Variants in FAM221A observed in about 807,000 individuals in gnomAD.
FAM221A encodes the protein family with sequence similarity 221 member A.
In FAM221A, 43 loss-of-function variants were observed where a neutral mutation model predicts 37.6. The ratio of observed to expected loss-of-function variants is 1.15; its 90% CI spans 0.90 to 1.48. The LOEUF (loss-of-function observed/expected upper bound fraction) is 1.48. FAM221A is among the 40% of genes most tolerant of loss of function. FAM221A has a pLI of 0.00. For missense variants in FAM221A, 361 were observed against 361.5 expected (o/e 1.00, Z 0.01); for synonymous variants, 135 against 132.9 (o/e 1.02, Z -0.11).
At chr7:23,703,003 G>A (rs988645281), downstream of FAM221A, 1 of 152,052 alleles carries the variant, frequency 6.6e-6, no homozygotes, top group African/African-American at 2.4e-5. Context: ...GTGACTTTGG[G>A]GCCACTCTTG....
chr7:23,702,154 A>G lies in FAM221A; in HGVS notation c.887A>G (p.Lys296Arg). ...AAAGCTCCATTGCCATCAGCTACAAAACCTTCATGAAGACTATTGGAGAAA... is the reference window on the plus strand; with the variant it reads ...AAAGCTCCATTGCCATCAGCTACAAGACCTTCATGAAGACTATTGGAGAAA... ...KGKAPLPSAT[K>R]PS The change falls in exon 7 of 7, where the codon AAA becomes AGA. Residue 296 changes from lysine (K) to arginine (R), a missense_variant. Physicochemically the swap from Lys to Arg is conservative, Grantham distance 26. Coordinates refer to ENST00000344962, the MANE Select transcript of FAM221A (RefSeq NM_199136.5). The G allele has an allele frequency of 6.3e-7, 1 of 1,594,338 alleles. No individual in the cohort carries two copies.
intron 5 of FAM221A, among the ~76,000 whole-genome samples, chr7:23,700,016 AT>A (rs1276131807): frequency 2.0e-5 from 3 of 152,226 alleles, no homozygotes; most frequent in African/African-American, 2.4e-5. Context: ...ACTTATTCAA[AT>A]AAGAATCCCT....
chr7:23,692,453 T>C, intron 4 of FAM221A: 1 of 204,660 alleles, frequency 4.9e-6, no homozygotes, highest in Non-Finnish European at 8.6e-6. Context: ...GCAATTCTCC[T>C]GCCTCAGCCT....
chr7:23,702,437 T>A lies in FAM221A; in HGVS notation c.*273T>A, dbSNP rs1305873674. On this transcript the variant is annotated 3_prime_UTR_variant, in exon 7 of 7. Coordinates refer to ENST00000344962, the MANE Select transcript of FAM221A (RefSeq NM_199136.5). ...CTGAGAGTACAGTAAATGTTTTTAG[T>A]ACATAATAATTTAACTGTTTCAGGT... 1 of 209,102 alleles carries A rather than the reference T, an allele frequency of 4.8e-6. No homozygotes were observed. The highest frequency in any genetic ancestry group is 2.3e-5 in the African/African-American group (1 of 43,508). The allele number at this position is 209,102 out of a possible 1,614,324, so 13.0% of individuals were successfully genotyped here. A position where few individuals can be genotyped will look rare whatever the true frequency, so the allele number is the denominator to read the frequency against.
chr7:23,683,140 T>C (rs561159549), intron 1 of FAM221A, among the ~76,000 whole-genome samples: 26 of 152,324 alleles, frequency 1.7e-4, no homozygotes, highest in African/African-American at 6.3e-4. Context: ...TCCACAAACA[T>C]CACTTTTTGT....
At chr7:23,696,437 C>G (rs892968033) in intron 4 of FAM221A, among the ~76,000 whole-genome samples, 17 of 152,258 alleles carry the variant, frequency 1.1e-4, no homozygotes, top group African/African-American at 3.9e-4. Flanking sequence ...GTGTGTGTGC[C>G]TGTAATCCCA....
At chr7:23,680,375 G>A (rs1562512121) in intron 1 of FAM221A, 92 bp downstream of exon 1, 2 of 1,018,838 alleles carry the variant, frequency 2.0e-6, no homozygotes, top group African/African-American at 3.3e-5. Context: ...GCGGGCGTCC[G>A]CGGGGGTTCC....
intron 6 of FAM221A, among the ~76,000 whole-genome samples, 154 bp downstream of exon 6, chr7:23,701,022 G>T (rs947571797): frequency 2.0e-5 from 3 of 152,138 alleles, no homozygotes; most frequent in African/African-American, 4.8e-5. Context: ...AGAATACACA[G>T]AAACAGGGCT....
At chr7:23,685,795 T>C (rs1196522331) in intron 2 of FAM221A, among the ~76,000 whole-genome samples, 1 of 152,220 alleles carries the variant, frequency 6.6e-6, no homozygotes, top group Non-Finnish European at 1.5e-5. Context: ...TTGCTGTGTG[T>C]ATGCTCTACT....
chr7:23,691,687 G>A, intron 4 of FAM221A, 91 bp downstream of exon 4: 1 of 1,094,374 alleles, frequency 9.1e-7, no homozygotes, highest in East Asian at 2.5e-5. Flanking sequence ...GCAATTTATA[G>A]TATTTTTCTT....
intron 5 of FAM221A, among the ~76,000 whole-genome samples, chr7:23,700,237 T>A (rs898135895): frequency 6.6e-6 from 1 of 152,208 alleles, no homozygotes; most frequent in African/African-American, 2.4e-5. Context: ...TACTTTTCTA[T>A]GCAATTAGGC....
At chr7:23,680,363 C>T (rs1304608772) in intron 1 of FAM221A, 80 bp downstream of exon 1, 2 of 1,185,336 alleles carry the variant, frequency 1.7e-6, no homozygotes, top group East Asian at 2.7e-5. Flanking sequence ...AGCAGGGGCC[C>T]GGCGGGCGTC....
intron 3 of FAM221A, among the ~76,000 whole-genome samples, chr7:23,690,371 A>G (rs892448733): frequency 2.0e-5 from 3 of 151,008 alleles, no homozygotes; most frequent in Non-Finnish European, 4.4e-5. Context: ...CGCCCGGCTA[A>G]TTTTTGTATT....
At chr7:23,700,947 G>A in intron 6 of FAM221A, 79 bp downstream of exon 6, 2 of 910,978 alleles carry the variant, frequency 2.2e-6, no homozygotes, top group East Asian at 4.9e-5. Flanking sequence ...ATTGAATGTG[G>A]AACATCCTTG....
Position 23,700,700 on chromosome 7 carries a change from C to A in FAM221A, c.746-86C>A. The A allele has an allele frequency of 1.0e-5, 8 of 802,842 alleles. 1 individual carries two copies. The South Asian group carries it at 1.5e-4, about 15-fold the overall frequency. The allele number at this position is 802,842 out of a possible 1,614,324, so 49.7% of individuals were successfully genotyped here. A position where few individuals can be genotyped will look rare whatever the true frequency, so the allele number is the denominator to read the frequency against. ...GGTTTGAAAAATAAAACATTATCACCGAGCAGGAGAAAACTTTTCTTTCTT... is the reference window on the plus strand; with the variant it reads ...GGTTTGAAAAATAAAACATTATCACAGAGCAGGAGAAAACTTTTCTTTCTT... On this transcript the variant is annotated intron_variant, in intron 5 of 6. Coordinates refer to ENST00000344962, the MANE Select transcript of FAM221A (RefSeq NM_199136.5).
intron 4 of FAM221A, 30 bp downstream of exon 4, chr7:23,691,626 A>G (rs767354464): frequency 1.3e-6 from 2 of 1,587,738 alleles, no homozygotes; most frequent in Non-Finnish European, 8.6e-7. Context: ...ATGTGAGCCC[A>G]TTGTATTGTT....
chr7:23,692,434 C>T lies in FAM221A; in HGVS notation c.637+838C>T, dbSNP rs370153766. 2.2e-3 allele frequency: 464 copies of T among 211,104 alleles called. 10 individuals are homozygous for T. In the South Asian group the frequency reaches 0.044, roughly 20 times the overall value. The allele number at this position is 211,104 out of a possible 1,614,324, so 13.1% of individuals were successfully genotyped here. On this transcript the variant is annotated intron_variant, in intron 4 of 6. Transcript: ENST00000344962. ...TCGGCTCACCGCAACCTCCGCCTCC[C>T]GGGTTCAAGCAATTCTCCTGCCTCA... is the stretch of plus-strand genomic sequence containing the variant.
chr7:23,682,124 G>A (rs1784075423), intron 1 of FAM221A, among the ~76,000 whole-genome samples: 1 of 152,022 alleles, frequency 6.6e-6, no homozygotes, highest in African/African-American at 2.4e-5. Context: ...GGAGTGCAGT[G>A]GCACTATAAT....
At chr7:23,692,919 C>T in intron 4 of FAM221A, 1 of 190,854 alleles carries the variant, frequency 5.2e-6, no homozygotes, top group Non-Finnish European at 9.7e-6. Flanking sequence ...CCTCCAGTCT[C>T]AGTCTTCCTA....
Sources: allele counts gnomAD v4.1 joint callset (sites outside exome capture counted in the v4.1 genomes callset), GRCh38; gene constraint gnomAD v4.1.1; transcripts MANE v1.5; gene names NCBI Gene and HGNC (gene_info 2026-07-23, HGNC 2026-07-21).